The following MTCL1 variants were observed in gnomAD, a reference collection of about 807,000 sequenced individuals.
MTCL1 encodes microtubule crosslinking factor 1.
Under a neutral mutation model 141.4 loss-of-function variants are expected in MTCL1, and 79 were observed. That is an observed-to-expected ratio of 0.56 (90% CI 0.47 to 0.67). MTCL1 has a LOEUF of 0.67. MTCL1 is among the 30% of genes least tolerant of loss of function. MTCL1 has a pLI of 0.00. For synonymous variants in MTCL1, 914 were observed against 875.8 expected (o/e 1.04, Z -0.77); for missense variants, 2,177 against 2,113.9 (o/e 1.03, Z -0.59).
chr18:8,815,565 A>G (rs536642834), intron 12 of MTCL1, among the ~76,000 whole-genome samples: 195 of 151,798 alleles, frequency 1.3e-3, no homozygotes, highest in African/African-American at 4.5e-3. Flanking sequence ...ACATGTATAC[A>G]TATGCAACTA....
At chr18:8,807,460 A>T (rs1416585113) in intron 11 of MTCL1, among the ~76,000 whole-genome samples, 1 of 152,190 alleles carries the variant, frequency 6.6e-6, no homozygotes, top group Non-Finnish European at 1.5e-5. Flanking sequence ...TTTCATTGAG[A>T]TTTTTCAAAA....
At chr18:8,791,620 G>A (rs946929110) in intron 7 of MTCL1, among the ~76,000 whole-genome samples, 27 of 152,044 alleles carry the variant, frequency 1.8e-4, no homozygotes, top group African/African-American at 6.0e-4. Context: ...GCAAACAGGA[G>A]AAGAGTATGT....
intron 1 of MTCL1, among the ~76,000 whole-genome samples, chr18:8,708,022 ATGTT>A (rs1229301632): frequency 4.6e-5 from 7 of 152,344 alleles, no homozygotes; most frequent in Non-Finnish European, 7.3e-5. Flanking sequence ...TTCAGATAGT[ATGTT>A]TGTTTTTGTC....
chr18:8,761,621 A>C (rs987341120), intron 4 of MTCL1, among the ~76,000 whole-genome samples: 1 of 152,254 alleles, frequency 6.6e-6, no homozygotes, highest in African/African-American at 2.4e-5. Flanking sequence ...ACAAGACTGG[A>C]CAATTTACAA....
At position 8,810,896 on chromosome 18, in the gene MTCL1, TC is replaced by T. The variant is rs35534397; in HGVS notation, c.2605-2081del. On this transcript the variant is annotated intron_variant, in intron 11 of 16. Coordinates refer to ENST00000359865, the Ensembl canonical transcript of MTCL1. The surrounding 1 kb of genome is among the most constrained non-coding windows in gnomAD (Gnocchi z 5.0). ...GCTTTCTCTCCAAGCAGGCCTGAGT[TC>T]CACTAAGATTCAGGGACAAAACAGT... Among the ~76,000 whole-genome samples the T allele has an allele frequency of 0.057, 8,662 of 152,220 alleles. 354 individuals carry two copies. The highest frequency in any genetic ancestry group is 0.1 in the Middle Eastern group (30 of 294).
rs541149924 is a variant in MTCL1 at position 8,810,155 on chromosome 18, G to C, written c.2605-2824G>C. On this transcript the variant is annotated intron_variant, in intron 11 of 16. Coordinates refer to ENST00000359865, the Ensembl canonical transcript of MTCL1. The surrounding 1 kb of genome is among the most constrained non-coding windows in gnomAD (Gnocchi z 5.0). Reference sequence around the variant, plus strand: ...ATAAAAAGTTCTGTTGAACTTGGCAGTGAGGAGGGCACTGCAAAACTTGAC... The same window carrying C: ...ATAAAAAGTTCTGTTGAACTTGGCACTGAGGAGGGCACTGCAAAACTTGAC... 1 of 153,046 alleles carries C rather than the reference G, an allele frequency of 6.5e-6. No individual in the cohort carries two copies. The highest frequency in any genetic ancestry group is 6.5e-5 in the Admixed American group (1 of 15,372). The allele number at this position is 153,046 out of a possible 1,614,324, so 9.5% of individuals were successfully genotyped here.
chr18:8,809,477 T>C, intron 11 of MTCL1: 3 of 1,535,786 alleles, frequency 2.0e-6, no homozygotes, highest in South Asian at 1.2e-5. Flanking sequence ...GAATTAACAT[T>C]GAGGAGGAGA....
At chr18:8,757,594 G>A (rs1188881382) in intron 4 of MTCL1, among the ~76,000 whole-genome samples, 2 of 152,208 alleles carry the variant, frequency 1.3e-5, no homozygotes, top group African/African-American at 2.4e-5. Flanking sequence ...AGGAGACCCC[G>A]GCAGGGATCT....
intron 4 of MTCL1, among the ~76,000 whole-genome samples, chr18:8,740,161 G>A (rs1345566490): frequency 6.6e-6 from 1 of 152,244 alleles, no homozygotes; most frequent in Admixed American, 6.5e-5. Context: ...TGAATTTGGA[G>A]GCAGGCATCA....
Position 8,720,515 on chromosome 18 carries a change from G to A in MTCL1, c.357+19G>A, listed in dbSNP as rs755893564. On this transcript the variant is annotated intron_variant, in intron 4 of 16. Transcript: ENST00000359865. ...GAAAGAGGTAATCCAAAACTGTGGG[G>A]GTCCTGCCCCCTTGGATTTAATAAG... The A allele has an allele frequency of 6.2e-7, 1 of 1,608,286 alleles. No homozygotes were observed. Among genetic ancestry groups the A allele is most frequent in the Non-Finnish European group, 8.5e-7 (1 of 1,176,904 alleles).
intron 4 of MTCL1, among the ~76,000 whole-genome samples, chr18:8,736,082 A>G (rs1411194099): frequency 6.6e-6 from 1 of 152,240 alleles, no homozygotes; most frequent in African/African-American, 2.4e-5. Context: ...CCTGTGTCAC[A>G]TAAGCAGCCG....
At chr18:8,788,345 C>G (rs1432336989) in intron 7 of MTCL1, among the ~76,000 whole-genome samples, 4 of 152,004 alleles carry the variant, frequency 2.6e-5, no homozygotes, top group African/African-American at 9.7e-5. Context: ...CTGCCCGTAG[C>G]TCCTCAGGGG....
Position 8,779,137 on chromosome 18 carries a change from A to G in MTCL1, c.417+1245A>G, listed in dbSNP as rs1389358535. On this transcript the variant is annotated intron_variant, in intron 5 of 16. Coordinates refer to ENST00000359865, the Ensembl canonical transcript of MTCL1. This position sits in a 1 kb window ranked among gnomAD's most constrained non-coding sequence, Gnocchi z 4.1. ...TAGGCACGTGGGCAGTCACCCGCTC[A>G]GGGTGCTGGCTGGACGGCTGACTTG... 1.3e-5 allele frequency among the ~76,000 whole-genome samples: 2 copies of G among 152,238 alleles called. No homozygotes were observed. Among genetic ancestry groups the G allele is most frequent in the Non-Finnish European group, 2.9e-5 (2 of 68,042 alleles).
chr18:8,708,236 A>G, intron 1 of MTCL1, among the ~76,000 whole-genome samples: 1 of 152,252 alleles, frequency 6.6e-6, no homozygotes, highest in Non-Finnish European at 1.5e-5. Context: ...ATGTTTATCC[A>G]AATGACTGCT....
chr18:8,706,160 G>C (rs1598333806), exon 1 of MTCL1: 1 of 1,220,990 alleles, frequency 8.2e-7, no homozygotes, highest in Non-Finnish European at 1.0e-6. Context: ...CGCGGCTCCC[G>C]GGCGCCACCC....
chr18:8,714,169 G>C (rs191480063), upstream of MTCL1, among the ~76,000 whole-genome samples: 1 of 152,158 alleles, frequency 6.6e-6, no homozygotes, highest in African/African-American at 2.4e-5. Flanking sequence ...GTATTTACTC[G>C]AAAGAGTGTG....
intron 4 of MTCL1, among the ~76,000 whole-genome samples, chr18:8,768,833 C>T (rs531957835): frequency 1.4e-5 from 2 of 144,598 alleles, no homozygotes; most frequent in Admixed American, 1.4e-4. Flanking sequence ...GCTCTGTCAC[C>T]CAGGCTGGAG....
In MTCL1 at chr18:8,710,457, CTT is replaced by C. The variant is rs59830434; in HGVS notation, c.1053+3764_1053+3765del. Reference sequence around the variant, plus strand: ...GCTTCTCATAAAACCCAGGCACTTTCTTTTTTTTTTTTTTTTTTTTTCTCTTT... The same window carrying C: ...GCTTCTCATAAAACCCAGGCACTTTCTTTTTTTTTTTTTTTTTTTCTCTTT... On this transcript the variant is annotated intron_variant, in intron 1 of 13. Coordinates refer to the MTCL1 transcript ENST00000306329. Among the ~76,000 whole-genome samples, 574 of 121,834 alleles carry C rather than the reference CTT, an allele frequency of 4.7e-3. 2 individuals carry two copies. Among genetic ancestry groups the C allele is most frequent in the African/African-American group, 0.017 (535 of 30,858 alleles). 79.9% of individuals were successfully genotyped at this position (121,834 alleles called of 152,430 possible).
At chr18:8,794,321 T>C (rs533201091) in intron 8 of MTCL1, among the ~76,000 whole-genome samples, 1 of 152,222 alleles carries the variant, frequency 6.6e-6, no homozygotes, top group African/African-American at 2.4e-5. Context: ...GTAGGAGATG[T>C]CCTCCAGGCT....
Sources: allele counts gnomAD v4.1 joint callset (sites outside exome capture counted in the v4.1 genomes callset), GRCh38; gene constraint gnomAD v4.1.1; non-coding constraint Gnocchi (gnomAD v3.1); transcripts MANE v1.5; gene names NCBI Gene and HGNC (gene_info 2026-07-23, HGNC 2026-07-21).